Variants in ZNF254 observed in about 807,000 individuals in gnomAD.
ZNF254 encodes the protein zinc finger protein 254, also known as CTD-2017D11.1.
A neutral mutation model predicts 12.4 loss-of-function variants in ZNF254; 10 were observed. The ratio of observed to expected loss-of-function variants is 0.80; its 90% CI spans 0.50 to 1.36. The LOEUF is 1.36. ZNF254 is among the 40% of genes most tolerant of loss of function. The probability of loss-of-function intolerance (pLI) is 0.00; values close to 1 mark genes in which losing one functional copy is unlikely to be tolerated. For synonymous variants in ZNF254, 305 were observed against 253.4 expected, an observed-to-expected ratio of 1.20 and a Z score of -1.93; for missense variants, 996 against 763.9, an observed-to-expected ratio of 1.30 and a Z score of -3.58.
At chr19:24,045,667 CAAAAAAAAAAA>C (rs35872820) in intron 1 of ZNF254, among the ~76,000 whole-genome samples, 2 of 88,810 alleles carry the variant, frequency 2.3e-5, no homozygotes, top group African/African-American at 8.5e-5. Context: ...GACTCTGTCT[CAAAAAAAAAAA>C]AAAAAAAAAG....
chr19:24,058,393 TTTTCTTTCTTTC>T (rs199868845), intron 2 of ZNF254, among the ~76,000 whole-genome samples: 2 of 111,532 alleles, frequency 1.8e-5, no homozygotes, highest in Admixed American at 8.7e-5. Context: ...GGAGTTTTCT[TTTTCTTTCTTTC>T]TTTCTTTCTT....
chr19:24,108,276 C>A (rs1029756455), intron 3 of ZNF254, among the ~76,000 whole-genome samples: 1 of 152,094 alleles, frequency 6.6e-6, no homozygotes, highest in Non-Finnish European at 1.5e-5. Flanking sequence ...AAGGCAGGAC[C>A]CCCCCAGACT....
rs1257383488 is a variant in ZNF254, at chr19:24,126,671, C to A, written c.671C>A (p.Thr224Asn). 1 of 1,613,190 alleles carries A rather than the reference C, an allele frequency of 6.2e-7. No homozygotes were observed. The highest frequency in any genetic ancestry group is 8.5e-7 in the Non-Finnish European group (1 of 1,179,704). ...GGAAAAACCTTTAATTGGTCCTCAA[C>A]CCTTACTAATCATAGGAAAATTTAT... ...ECGKTFNWSS[T>N]LTNHRKIYTE... is the part of the protein sequence containing the mutation. The change falls in exon 4 of 4, where the codon ACC becomes AAC. Residue 224 changes from threonine to asparagine, a missense_variant. Physicochemically the swap from Thr to Asn is moderately conservative, Grantham distance 65. Coordinates refer to ENST00000357002, the MANE Select transcript of ZNF254 (RefSeq NM_203282.4).
intron 2 of ZNF254, among the ~76,000 whole-genome samples, chr19:24,073,387 T>G (rs1190625967): frequency 6.6e-6 from 1 of 152,156 alleles, no homozygotes; most frequent in African/African-American, 2.4e-5. Context: ...CTCAAATACA[T>G]GGACTTAGGT....
chr19:24,058,145 A>G (rs1195932589), intron 2 of ZNF254, among the ~76,000 whole-genome samples: 2 of 152,196 alleles, frequency 1.3e-5, no homozygotes, highest in African/African-American at 2.4e-5. Flanking sequence ...TGCTGCACAC[A>G]GAAGCGGGTT....
chr19:24,119,295 G>A (rs1279401641), intron 3 of ZNF254, among the ~76,000 whole-genome samples: 2 of 151,798 alleles, frequency 1.3e-5, no homozygotes, highest in Admixed American at 6.6e-5. Flanking sequence ...AGGTTCAAGC[G>A]ATTCTCCTGT....
Position 24,126,597 on chromosome 19 carries a change from A to G in ZNF254, c.597A>G (p.Gln199=), listed in dbSNP as rs140178410. The change falls in exon 4 of 4, where the codon CAA becomes CAG. Residue 199 remains glutamine, a synonymous_variant. Transcript: ENST00000357002. ...TTTGCATGCTTTCACATAAAACCCA[A>G]CACAAAAGCATTTATCATAGAGAGA... The part of the protein sequence containing the change: ...KLFCMLSHKT[Q]HKSIYHREKS... 21 of 1,603,280 alleles carry G rather than the reference A, an allele frequency of 1.3e-5. No individual in the cohort carries two copies. Among genetic ancestry groups the G allele is most frequent in the Middle Eastern group, 1.7e-4 (1 of 5,990 alleles).
chr19:24,080,567 C>T (rs1213339104), intron 2 of ZNF254: 1 of 152,166 alleles, frequency 6.6e-6, no homozygotes, highest in Non-Finnish European at 1.5e-5. Flanking sequence ...TGCGGTGGCT[C>T]ACACCTGTAA....
In ZNF254 at chr19:24,058,088, C is replaced by T. The variant is rs190241131; in HGVS notation, c.-94+11809C>T. Among the ~76,000 whole-genome samples the T allele has an allele frequency of 4.9e-3, 739 of 152,282 alleles. 6 individuals are homozygous for T. Among genetic ancestry groups the T allele is most frequent in the African/African-American group, 0.017 (686 of 41,548 alleles). On this transcript the variant is annotated intron_variant, in intron 2 of 4. Transcript: ENST00000613065. ...CTACTCAAAAAAGACATTAACATATCTCAGAGCCTTGCACCCAGGTAATGT... is the reference window on the plus strand; with the variant it reads ...CTACTCAAAAAAGACATTAACATATTTCAGAGCCTTGCACCCAGGTAATGT...
intron 3 of ZNF254, among the ~76,000 whole-genome samples, chr19:24,118,493 AT>A (rs890403759): frequency 2.6e-5 from 4 of 151,816 alleles, no homozygotes; most frequent in African/African-American, 9.7e-5. Flanking sequence ...GTCCTTTCAA[AT>A]TTTTTGTTTG....
Position 24,128,073 on chromosome 19 carries a change from A to T in ZNF254, c.*93A>T, listed in dbSNP as rs1975026448. On this transcript the variant is annotated 3_prime_UTR_variant, in exon 4 of 4. Transcript: ENST00000357002. ...AACTACAAACCTGAGAGAGGCGCTA[A>T]TGCTTTTGACAGTACCTAAAACTTT... 4 of 1,315,486 alleles carry T rather than the reference A, an allele frequency of 3.0e-6. No homozygotes were observed. In the African/African-American group the frequency reaches 4.4e-5, roughly 15 times the overall value. The allele number at this position is 1,315,486 out of a possible 1,614,324, so 81.5% of individuals were successfully genotyped here.
At chr19:24,110,565 C>CA (rs547421026) in intron 3 of ZNF254, among the ~76,000 whole-genome samples, 12,504 of 138,444 alleles carry the variant, frequency 0.09, 689 homozygotes, top group Non-Finnish European at 0.13. Flanking sequence ...GACCCTGTTT[C>CA]AAAAAAAAAA....
At chr19:24,080,933 T>A (rs1212444821) in intron 2 of ZNF254, among the ~76,000 whole-genome samples, 1 of 151,572 alleles carries the variant, frequency 6.6e-6, no homozygotes, top group Non-Finnish European at 1.5e-5. Flanking sequence ...CAAAATTAGC[T>A]GGGCGTGGTG....
At chr19:24,037,260 C>G (rs1339478414) in intron 1 of ZNF254, among the ~76,000 whole-genome samples, 1 of 152,086 alleles carries the variant, frequency 6.6e-6, no homozygotes, top group Non-Finnish European at 1.5e-5. Flanking sequence ...CCTCAGGTGC[C>G]TGAATCCAGC....
rs1971823153 is a variant in ZNF254, at chr19:24,080,902, AC to A, written c.-93-25034del. On this transcript the variant is annotated intron_variant, in intron 2 of 4. Coordinates refer to the ZNF254 transcript ENST00000613065. ...AGACCAGCCTGAGCAACAAGGAGAAACCCCATCTCTAGTAAAAATACAAAAT... is the reference window on the plus strand; with the variant it reads ...AGACCAGCCTGAGCAACAAGGAGAAACCCATCTCTAGTAAAAATACAAAAT... Among the ~76,000 whole-genome samples the A allele has an allele frequency of 2.0e-5, 3 of 151,696 alleles. 1 individual carries two copies. Among genetic ancestry groups the A allele is most frequent in the Admixed American group, 2.0e-4 (3 of 15,212 alleles).
chr19:24,114,264 C>A (rs1232806207), intron 3 of ZNF254, among the ~76,000 whole-genome samples: 1 of 151,466 alleles, frequency 6.6e-6, no homozygotes, highest in Non-Finnish European at 1.5e-5. Flanking sequence ...ATCATGCTAC[C>A]TGACTTCAAA....
intron 3 of ZNF254, 38 bp from the exon 4 acceptor site, chr19:24,126,216 T>G: frequency 7.6e-7 from 1 of 1,322,606 alleles, no homozygotes; most frequent in Non-Finnish European, 9.8e-7. Flanking sequence ...GTGAGTCTAG[T>G]AAGTGGAGTA....
At chr19:24,119,574 C>T (rs540622301) in intron 3 of ZNF254, among the ~76,000 whole-genome samples, 2 of 152,154 alleles carry the variant, frequency 1.3e-5, no homozygotes, top group East Asian at 3.9e-4. Flanking sequence ...ACTGCAGCCT[C>T]AACCTCCCAA....
In ZNF254 at chr19:24,087,211, A is replaced by C. The variant is rs1421205328; in HGVS notation, c.-97A>C. ...GGCCTTTGTCTCTCGCTGTCGCCGG[A>C]GTCCCAGGTCTGTCTTCACTGCTCT... On this transcript the variant is annotated 5_prime_UTR_variant, in exon 1 of 4. Transcript: ENST00000357002. The C allele has an allele frequency of 1.3e-6, 2 of 1,540,716 alleles. No individual in the cohort carries two copies. Among genetic ancestry groups the C allele is most frequent in the Non-Finnish European group, 1.8e-6 (2 of 1,117,522 alleles).
Sources: allele counts gnomAD v4.1 joint callset (sites outside exome capture counted in the v4.1 genomes callset), GRCh38; gene constraint gnomAD v4.1.1; transcripts MANE v1.5; gene names NCBI Gene and HGNC (gene_info 2026-07-23, HGNC 2026-07-21).